The following PTGES3 variants were observed in gnomAD, a reference collection of about 807,000 sequenced individuals.
The protein encoded by PTGES3 is prostaglandin E synthase 3, also known as Hsp90 co-chaperone.
Under a neutral mutation model 29.9 loss-of-function variants are expected in PTGES3, and 5 were observed. The ratio of observed to expected loss-of-function variants is 0.17; its 90% confidence interval spans 0.09 to 0.35. PTGES3 has a LOEUF of 0.35. PTGES3 is among the 10% of genes least tolerant of loss of function. PTGES3 has a pLI of 1.00. For missense variants in PTGES3, 128 were observed against 190.0 expected (o/e 0.67, Z 1.92); for synonymous variants, 49 against 57.8 (o/e 0.85, Z 0.69).
chr12:56,685,565 T>C (rs1416557198), intron 1 of PTGES3, among the ~76,000 whole-genome samples: 1 of 150,852 alleles, frequency 6.6e-6, no homozygotes, highest in African/African-American at 2.4e-5. Flanking sequence ...CACACCCGGC[T>C]AATTTTTTGT....
chr12:56,688,003 G>T lies in PTGES3; in HGVS notation c.-4C>A. The T allele has an allele frequency of 6.3e-7, 1 of 1,591,818 alleles. No individual in the cohort carries two copies. Among genetic ancestry groups the T allele is most frequent in the Non-Finnish European group, 8.5e-7 (1 of 1,169,798 alleles). ...CGGCGGGGTGTCGCACTCACATTGT[G>T]AACGGGGCAGGGGGACGGGCGAACT... On this transcript the variant is annotated 5_prime_UTR_variant, in exon 1 of 8. Transcript: ENST00000262033.
chr12:56,679,074 A>G (rs573550805), intron 1 of PTGES3, among the ~76,000 whole-genome samples: 7 of 152,198 alleles, frequency 4.6e-5, no homozygotes, highest in Admixed American at 4.6e-4. Context: ...GCATGGTTGT[A>G]CCACTGCACT....
intron 3 of PTGES3, among the ~76,000 whole-genome samples, chr12:56,672,216 A>C (rs1019270034): frequency 1.3e-5 from 2 of 152,192 alleles, no homozygotes; most frequent in African/African-American, 4.8e-5. Flanking sequence ...AGATAAGGGA[A>C]GCCTTGGCCG....
chr12:56,673,103 T>A (rs1463198455), intron 1 of PTGES3, 38 bp from the exon 2 acceptor site: 2 of 1,390,116 alleles, frequency 1.4e-6, no homozygotes, highest in Middle Eastern at 1.8e-4. Context: ...AAGCTGGAAT[T>A]CATTAACTAA....
chr12:56,670,349 C>T lies in PTGES3; in HGVS notation c.301G>A (p.Val101Ile). The T allele has an allele frequency of 1.2e-6, 2 of 1,610,912 alleles. No individual in the cohort carries two copies. The highest frequency in any genetic ancestry group is 1.7e-5 in the Admixed American group (1 of 59,986). ...CAGTCTTTCCAATTATTGAAGTCGA[C>T]ACTAAGCCAATTAAGCTATAAATCA... ...KERAKLNWLSVDFNNWKDWED... is the reference protein window; with the variant it reads ...KERAKLNWLSIDFNNWKDWED... The change falls in exon 5 of 8, where the codon GTC becomes ATC. Residue 101 changes from valine to isoleucine, a missense_variant. By Grantham distance (29) the Val-to-Ile change is conservative. Transcript: ENST00000262033.
intron 1 of PTGES3, among the ~76,000 whole-genome samples, chr12:56,680,398 T>C (rs538673060): frequency 2.6e-5 from 4 of 151,470 alleles, no homozygotes; most frequent in African/African-American, 9.7e-5. Flanking sequence ...TTTTTTTTTT[T>C]TGGGGGGACA....
chr12:56,685,904 G>A (rs1268514655), intron 1 of PTGES3, among the ~76,000 whole-genome samples: 1 of 150,692 alleles, frequency 6.6e-6, no homozygotes, highest in African/African-American at 2.4e-5. Context: ...AGCCTCCGGA[G>A]TAGCTGGGAC....
intron 1 of PTGES3, among the ~76,000 whole-genome samples, chr12:56,678,326 C>T (rs561668183): frequency 2.0e-5 from 3 of 151,982 alleles, no homozygotes; most frequent in East Asian, 1.9e-4. Flanking sequence ...TACAGGCGCC[C>T]GCCACCAAGC....
intron 1 of PTGES3, among the ~76,000 whole-genome samples, chr12:56,677,038 C>T (rs1952286982): frequency 2.0e-5 from 3 of 150,564 alleles, no homozygotes; most frequent in African/African-American, 7.3e-5. Context: ...GAGTTCAAGA[C>T]CAGCCTGGCC....
chr12:56,665,309 G>C lies in PTGES3; in HGVS notation c.439-509C>G, dbSNP rs137912287. 2.3e-3 allele frequency: 2,121 copies of C among 939,508 alleles called. 30 individuals carry two copies. In the African/African-American group the frequency reaches 0.034, roughly 15 times the overall value. The allele number at this position is 939,508 out of a possible 1,614,324, so 58.2% of individuals were successfully genotyped here. A position where few individuals can be genotyped will look rare whatever the true frequency, so the allele number is the denominator to read the frequency against. On this transcript the variant is annotated intron_variant, in intron 6 of 7. Coordinates refer to ENST00000262033, the MANE Select transcript of PTGES3 (RefSeq NM_006601.7). ...CTTTTTTTTTTTTTTTTTTTTGGGT[G>C]GGGGGAGATGGAGTCTTGCTCTGTC...
intron 1 of PTGES3, among the ~76,000 whole-genome samples, chr12:56,679,408 CAAA>C (rs770485836): frequency 1.4e-3 from 92 of 65,112 alleles, no homozygotes; most frequent in African/African-American, 4.0e-3. Flanking sequence ...GACTCTGCCT[CAAA>C]AAAAAAAAAA....
chr12:56,671,922 C>A, intron 3 of PTGES3, 75 bp from the exon 4 acceptor site: 1 of 902,550 alleles, frequency 1.1e-6, no homozygotes, highest in Non-Finnish European at 1.6e-6. Context: ...TGTCATTTCT[C>A]ACCTTTCTCA....
At chr12:56,678,821 A>T (rs551584873) in intron 1 of PTGES3, among the ~76,000 whole-genome samples, 1 of 152,332 alleles carries the variant, frequency 6.6e-6, no homozygotes, top group East Asian at 1.9e-4. Context: ...TGCTTGTCAC[A>T]TCAGCATGGA....
intron 1 of PTGES3, among the ~76,000 whole-genome samples, chr12:56,676,230 C>CG (rs1182125321): frequency 1.0e-3 from 49 of 49,100 alleles, no homozygotes; most frequent in African/African-American, 6.9e-3. Context: ...TGTCTCCCCC[C>CG]CCAAAAAAAA....
intron 1 of PTGES3, among the ~76,000 whole-genome samples, chr12:56,682,154 G>C (rs890633414): frequency 6.6e-6 from 1 of 152,070 alleles, no homozygotes; most frequent in African/African-American, 2.4e-5. Context: ...GCTGACATTG[G>C]CACTATCAAA....
At chr12:56,672,611 A>C in intron 3 of PTGES3, 129 bp downstream of exon 3, 1 of 1,125,138 alleles carries the variant, frequency 8.9e-7, no homozygotes. Flanking sequence ...AATATTCTAC[A>C]AAATGTAAAT....
At chr12:56,669,623 T>G (rs1951924433) in intron 5 of PTGES3, among the ~76,000 whole-genome samples, 1 of 151,732 alleles carries the variant, frequency 6.6e-6, no homozygotes, top group African/African-American at 2.4e-5. Flanking sequence ...CTGCATTTAT[T>G]TATTTATTTG....
intron 1 of PTGES3, among the ~76,000 whole-genome samples, chr12:56,679,711 G>A (rs979476525): frequency 6.6e-6 from 1 of 151,958 alleles, no homozygotes; most frequent in Non-Finnish European, 1.5e-5. Context: ...TGTCACCCCG[G>A]AGTGACAGGC....
At chr12:56,671,044 A>G (rs1396383637) in intron 4 of PTGES3, among the ~76,000 whole-genome samples, 1 of 152,094 alleles carries the variant, frequency 6.6e-6, no homozygotes, top group African/African-American at 2.4e-5. Context: ...GCCCAGGTGG[A>G]GGCTACAGTG....
Sources: gnomAD v4.1 joint callset for allele counts (sites outside exome capture counted in the v4.1 genomes callset) on GRCh38, gnomAD v4.1.1 for gene constraint, MANE v1.5 for transcripts, NCBI Gene and HGNC (gene_info 2026-07-23, HGNC 2026-07-21) for gene names.